The following MTMR7 variants were observed in gnomAD, a reference collection of about 807,000 sequenced individuals.
The protein encoded by MTMR7 is phosphatidylinositol-3-phosphate phosphatase MTMR7.
Under a neutral mutation model 81.2 loss-of-function variants are expected in MTMR7, and 76 were observed. That is an observed-to-expected ratio of 0.94 (90% CI 0.78 to 1.13). MTMR7 has a LOEUF of 1.13. Ranked by LOEUF, MTMR7 falls within the 50% of genes most tolerant of loss-of-function variation. MTMR7 has a pLI of 0.00. For synonymous variants in MTMR7, 372 were observed against 289.8 expected, an observed-to-expected ratio of 1.28 and a Z score of -2.88; for missense variants, 1,044 against 820.0, an observed-to-expected ratio of 1.27 and a Z score of -3.34.
At position 17,413,323 on chromosome 8, in the gene MTMR7, G is replaced by T. The variant is rs1425335867; in HGVS notation, c.-31C>A. 6.6e-7 allele frequency: 1 copy of T among 1,526,162 alleles called. No individual in the cohort carries two copies. Among genetic ancestry groups the T allele is most frequent in the African/African-American group, 1.4e-5 (1 of 70,124 alleles). The allele number at this position is 1,526,162 out of a possible 1,614,324, so 94.5% of individuals were successfully genotyped here. A position where few individuals can be genotyped will look rare whatever the true frequency, so the allele number is the denominator to read the frequency against. On this transcript the variant is annotated 5_prime_UTR_variant, in exon 1 of 14. Transcript: ENST00000180173. ...GCCCACGTCTGCAGGGTCCCGGGCGGGCGCGGCCTCACGCACCTGCGCGCC... is the reference window on the plus strand; with the variant it reads ...GCCCACGTCTGCAGGGTCCCGGGCGTGCGCGGCCTCACGCACCTGCGCGCC...
At chr8:17,306,938 A>G (rs1817492678) in intron 10 of MTMR7, among the ~76,000 whole-genome samples, 1 of 152,146 alleles carries the variant, frequency 6.6e-6, no homozygotes, top group Non-Finnish European at 1.5e-5. Context: ...AAAAAACCCT[A>G]GAAGAAAACC....
At chr8:17,403,248 A>C (rs1355137401) in intron 1 of MTMR7, among the ~76,000 whole-genome samples, 2 of 151,978 alleles carry the variant, frequency 1.3e-5, no homozygotes, top group African/African-American at 4.8e-5. Context: ...AAGCTTTTTA[A>C]CTTGGTAGGG....
chr8:17,352,864 T>G (rs1391044133), intron 4 of MTMR7, among the ~76,000 whole-genome samples: 6 of 152,184 alleles, frequency 3.9e-5, no homozygotes, highest in Non-Finnish European at 1.5e-5. Context: ...TAAAATTATG[T>G]AACCACTATG....
chr8:17,364,021 ATTTTT>A (rs36217265), intron 3 of MTMR7, among the ~76,000 whole-genome samples: 3,488 of 71,002 alleles, frequency 0.049, 459 homozygotes, highest in East Asian at 0.33. Context: ...TGTTGCTATT[ATTTTT>A]TTTTTTTTTT....
Position 17,413,315 on chromosome 8 carries a change from C to T in MTMR7, c.-23G>A, listed in dbSNP as rs1222780945. The T allele has an allele frequency of 3.3e-6, 5 of 1,530,020 alleles. No homozygotes were observed. In the South Asian group the frequency reaches 3.6e-5, roughly 11 times the overall value. 94.8% of individuals were successfully genotyped at this position (1,530,020 alleles called of 1,614,324 possible). On this transcript the variant is annotated 5_prime_UTR_variant, in exon 1 of 14. Coordinates refer to ENST00000180173, the MANE Select transcript of MTMR7 (RefSeq NM_004686.5). ...CATGGCTGGCCCACGTCTGCAGGGTCCCGGGCGGGCGCGGCCTCACGCACC... is the reference window on the plus strand; with the variant it reads ...CATGGCTGGCCCACGTCTGCAGGGTTCCGGGCGGGCGCGGCCTCACGCACC...
At chr8:17,338,245 T>A (rs1366641974) in intron 6 of MTMR7, among the ~76,000 whole-genome samples, 1 of 152,246 alleles carries the variant, frequency 6.6e-6, no homozygotes, top group Non-Finnish European at 1.5e-5. Context: ...GTAAACACAC[T>A]TAGCACTAAA....
At chr8:17,354,569 A>C (rs1021121745) in intron 4 of MTMR7, among the ~76,000 whole-genome samples, 31 of 152,318 alleles carry the variant, frequency 2.0e-4, no homozygotes, top group Middle Eastern at 3.4e-3. Flanking sequence ...AGAAAATAGC[A>C]GAATTGGTTC....
intron 5 of MTMR7, 44 bp from the exon 6 acceptor site, chr8:17,341,541 T>C (rs367707198): frequency 2.5e-6 from 4 of 1,605,012 alleles, no homozygotes; most frequent in East Asian, 2.2e-5. Flanking sequence ...CAGGTAACTG[T>C]ACCCATGAGA....
chr8:17,396,535 A>G (rs1269815030), intron 1 of MTMR7, among the ~76,000 whole-genome samples: 1 of 152,180 alleles, frequency 6.6e-6, no homozygotes. Context: ...TATGTGGACC[A>G]GCCTTAGCTA....
chr8:17,356,571 G>C (rs754621822), intron 4 of MTMR7, among the ~76,000 whole-genome samples: 1 of 151,904 alleles, frequency 6.6e-6, no homozygotes, highest in Non-Finnish European at 1.5e-5. Flanking sequence ...AACATTATCT[G>C]GTTGTGGTGG....
At chr8:17,366,624 C>G (rs570557540) in intron 3 of MTMR7, among the ~76,000 whole-genome samples, 2 of 152,052 alleles carry the variant, frequency 1.3e-5, no homozygotes, top group Admixed American at 6.6e-5. Context: ...CGGTGGCTCA[C>G]GCCTGTAATC....
At chr8:17,327,897 T>C (rs1204775202) in intron 7 of MTMR7, among the ~76,000 whole-genome samples, 1 of 152,242 alleles carries the variant, frequency 6.6e-6, no homozygotes, top group African/African-American at 2.4e-5. Context: ...TGCTTTTTCA[T>C]CTATACAGTA....
chr8:17,371,851 GTT>G (rs33920646), intron 2 of MTMR7, among the ~76,000 whole-genome samples: 16,425 of 104,428 alleles, frequency 0.16, 1,179 homozygotes, highest in East Asian at 0.38. Context: ...CTTACCTATA[GTT>G]TTTTTTTTTT....
chr8:17,305,331 T>C (rs1817380668), intron 11 of MTMR7, among the ~76,000 whole-genome samples: 1 of 152,230 alleles, frequency 6.6e-6, no homozygotes, highest in Admixed American at 6.5e-5. Context: ...TTATCTACTT[T>C]TACCCTTGGA....
At chr8:17,318,223 G>A (rs1417550906) in intron 7 of MTMR7, among the ~76,000 whole-genome samples, 1 of 152,074 alleles carries the variant, frequency 6.6e-6, no homozygotes. Flanking sequence ...ATGCACGGAA[G>A]CCCCCAAGAT....
intron 1 of MTMR7, among the ~76,000 whole-genome samples, chr8:17,388,418 T>C (rs1371259298): frequency 6.6e-6 from 1 of 152,220 alleles, no homozygotes; most frequent in Non-Finnish European, 1.5e-5. Flanking sequence ...AGTAAATGTA[T>C]GGAATGACCT....
At chr8:17,357,127 T>C (rs1819919178) in intron 4 of MTMR7, among the ~76,000 whole-genome samples, 1 of 152,146 alleles carries the variant, frequency 6.6e-6, no homozygotes, top group Non-Finnish European at 1.5e-5. Flanking sequence ...ATTTGTGAAA[T>C]GGAATACAAC....
At chr8:17,395,407 T>C (rs938366895) in intron 1 of MTMR7, among the ~76,000 whole-genome samples, 2 of 152,186 alleles carry the variant, frequency 1.3e-5, no homozygotes, top group African/African-American at 4.8e-5. Flanking sequence ...TTTGTGTCCC[T>C]GTTTTTAATT....
intron 1 of MTMR7, among the ~76,000 whole-genome samples, chr8:17,383,747 C>G (rs1321976790): frequency 1.3e-5 from 2 of 151,546 alleles, no homozygotes; most frequent in African/African-American, 4.9e-5. Flanking sequence ...GCTCATTTCT[C>G]TTGTCTGGAG....
Sources: gnomAD v4.1 joint callset for allele counts (sites outside exome capture counted in the v4.1 genomes callset) on GRCh38, gnomAD v4.1.1 for gene constraint, MANE v1.5 for transcripts, NCBI Gene and HGNC (gene_info 2026-07-23, HGNC 2026-07-21) for gene names.